UHRF2: variants seen among roughly 807,000 people sequenced by gnomAD.
UHRF2 encodes the protein E3 ubiquitin-protein ligase UHRF2.
UHRF2 carries 23 observed loss-of-function variants against 96.8 expected under a neutral mutation model. The observed-to-expected ratio is 0.24, with a 90% confidence interval of 0.17 to 0.34. The LOEUF is 0.34. Among genes scored for constraint, UHRF2 ranks in the 10% least tolerant of loss-of-function variants. UHRF2 has a pLI of 1.00. For missense variants in UHRF2, 685 were observed against 981.5 expected, an observed-to-expected ratio of 0.70 and a Z score of 4.04; for synonymous variants, 385 against 332.6, an observed-to-expected ratio of 1.16 and a Z score of -1.72.
At chr9:6,486,562 C>T (rs1020954153) in intron 8 of UHRF2, among the ~76,000 whole-genome samples, 6 of 152,270 alleles carry the variant, frequency 3.9e-5, no homozygotes, top group African/African-American at 1.2e-4. Context: ...CAGAATTCTA[C>T]GCAATCAGTT....
At chr9:6,420,707 A>C (rs533419654) in intron 1 of UHRF2, among the ~76,000 whole-genome samples, 11 of 139,088 alleles carry the variant, frequency 7.9e-5, no homozygotes, top group African/African-American at 2.4e-4. Context: ...ACACCGTCTC[A>C]AAAAAAAAAA....
At chr9:6,414,352 A>G (rs1563734673) in intron 1 of UHRF2, among the ~76,000 whole-genome samples, 1 of 152,198 alleles carries the variant, frequency 6.6e-6, no homozygotes, top group Non-Finnish European at 1.5e-5. Flanking sequence ...TTATTCCCGA[A>G]GTGAAAAGGA....
intron 5 of UHRF2, 80 bp downstream of exon 5, chr9:6,475,580 T>G (rs1389768312): frequency 1.0e-5 from 7 of 674,940 alleles, no homozygotes; most frequent in Non-Finnish European, 1.6e-5. Context: ...GTGAATAACT[T>G]GGAAGGAAGT....
chr9:6,421,182 A>G (rs1287283737), intron 2 of UHRF2, 40 bp downstream of exon 2: 1 of 1,423,754 alleles, frequency 7.0e-7, no homozygotes, highest in South Asian at 1.2e-5. Context: ...TGAGAATACA[A>G]ATAAATTTAT....
rs1821146486 is a variant in UHRF2, at chr9:6,441,275, G to A, written c.644+7102G>A. 2.0e-5 allele frequency among the ~76,000 whole-genome samples: 3 copies of A among 152,074 alleles called. No homozygotes were observed. In the South Asian group the frequency reaches 6.2e-4, roughly 32 times the overall value. ...TGTAGTCCCAGCTACTCGGGAGGCTGAAGTGGGAGGATGGCTTGAGCCCAG... is the reference window on the plus strand; with the variant it reads ...TGTAGTCCCAGCTACTCGGGAGGCTAAAGTGGGAGGATGGCTTGAGCCCAG... On this transcript the variant is annotated intron_variant, in intron 3 of 15. Transcript: ENST00000276893.
intron 3 of UHRF2, among the ~76,000 whole-genome samples, chr9:6,457,453 C>G (rs1050334463): frequency 6.6e-6 from 1 of 152,162 alleles, no homozygotes; most frequent in African/African-American, 2.4e-5. Flanking sequence ...CATCTACAAA[C>G]AGGGACAATT....
intron 2 of UHRF2, among the ~76,000 whole-genome samples, chr9:6,433,560 T>G (rs927225763): frequency 1.3e-5 from 2 of 152,222 alleles, no homozygotes; most frequent in African/African-American, 2.4e-5. Context: ...CATATTAGCT[T>G]AAAGTCCTGG....
intron 3 of UHRF2, among the ~76,000 whole-genome samples, chr9:6,456,919 T>C (rs944287225): frequency 1.2e-4 from 19 of 152,328 alleles, no homozygotes; most frequent in East Asian, 1.2e-3. Flanking sequence ...TGTAGCCTTG[T>C]ATAGTTTGAA....
At chr9:6,438,838 C>G (rs952447463) in intron 3 of UHRF2, among the ~76,000 whole-genome samples, 1 of 152,166 alleles carries the variant, frequency 6.6e-6, no homozygotes, top group African/African-American at 2.4e-5. Flanking sequence ...TAGCTATTCT[C>G]TTGCATTTTC....
chr9:6,503,676 A>G (rs1816425228), intron 14 of UHRF2, among the ~76,000 whole-genome samples: 1 of 152,126 alleles, frequency 6.6e-6, no homozygotes. Flanking sequence ...CTAAAGACAA[A>G]TATTCAAGTT....
intron 3 of UHRF2, among the ~76,000 whole-genome samples, chr9:6,438,344 G>A (rs1469205263): frequency 3.3e-5 from 5 of 152,174 alleles, no homozygotes; most frequent in African/African-American, 1.2e-4. Flanking sequence ...TATGAAGTTA[G>A]TAATTGTATT....
At chr9:6,470,665 C>G (rs189372232) in intron 4 of UHRF2, among the ~76,000 whole-genome samples, 27 of 152,138 alleles carry the variant, frequency 1.8e-4, no homozygotes, top group African/African-American at 6.5e-4. Context: ...AACAATAATG[C>G]AGAAGATGGG....
At chr9:6,482,651 C>T (rs958854191) in intron 8 of UHRF2, among the ~76,000 whole-genome samples, 2 of 147,372 alleles carry the variant, frequency 1.4e-5, no homozygotes, top group Non-Finnish European at 3.0e-5. Context: ...GGCTGGAGTG[C>T]AGTGGTGCGA....
intron 1 of UHRF2, among the ~76,000 whole-genome samples, chr9:6,416,535 C>CTTTTTTTTT (rs60522189): frequency 4.6e-5 from 3 of 64,932 alleles, no homozygotes; most frequent in African/African-American, 1.2e-4. Flanking sequence ...ATCTCTAAAT[C>CTTTTTTTTT]TTTTTTTTTT....
chr9:6,503,745 A>G (rs1816429248), intron 14 of UHRF2, among the ~76,000 whole-genome samples: 1 of 152,134 alleles, frequency 6.6e-6, no homozygotes, highest in South Asian at 2.1e-4. Flanking sequence ...TACTGTGCAA[A>G]ACAGCTTTTT....
intron 2 of UHRF2, among the ~76,000 whole-genome samples, chr9:6,428,624 A>C (rs988283319): frequency 1.6e-5 from 2 of 124,700 alleles, no homozygotes; most frequent in Non-Finnish European, 1.6e-5. Flanking sequence ...ATCATAGCTT[A>C]CTGCAGCCCC....
intron 2 of UHRF2, among the ~76,000 whole-genome samples, chr9:6,430,709 A>G (rs1358801252): frequency 2.0e-5 from 3 of 152,142 alleles, no homozygotes; most frequent in Non-Finnish European, 4.4e-5. Context: ...GCCCACTGAC[A>G]TTATTCAAAC....
chr9:6,488,822 GT>G (rs71328191), intron 9 of UHRF2, among the ~76,000 whole-genome samples: 1 of 147,046 alleles, frequency 6.8e-6, no homozygotes, highest in African/African-American at 2.5e-5. Context: ...GTTTTGTTTT[GT>G]TTTTTTTGAG....
rs150822477 is a variant in UHRF2, at chr9:6,427,678, C to G, written c.385-6236C>G. On this transcript the variant is annotated intron_variant, in intron 2 of 15. Coordinates refer to ENST00000276893, the MANE Select transcript of UHRF2 (RefSeq NM_152896.3). ...CCTGCCTGGGTGACAGAGCAAGACC[C>G]CATCTCAAAAAAAAGAAATTTTAAT... 2.8e-3 allele frequency among the ~76,000 whole-genome samples: 430 copies of G among 152,142 alleles called. 1 individual carries two copies. The highest frequency in any genetic ancestry group is 3.4e-3 in the Non-Finnish European group (233 of 68,000).
Sources: gnomAD v4.1 joint callset for allele counts (sites outside exome capture counted in the v4.1 genomes callset) on GRCh38, gnomAD v4.1.1 for gene constraint, MANE v1.5 for transcripts, NCBI Gene and HGNC (gene_info 2026-07-23, HGNC 2026-07-21) for gene names.